FHIT: variants seen among roughly 807,000 people sequenced by gnomAD.
FHIT encodes fragile histidine triad diadenosine triphosphatase.
A neutral mutation model predicts 17.9 loss-of-function variants in FHIT; 19 were observed. The ratio of observed to expected loss-of-function variants is 1.06; its 90% confidence interval spans 0.74 to 1.56. The LOEUF (loss-of-function observed/expected upper bound fraction) is 1.56, where lower values mean the gene tolerates loss of function less well. Among genes scored for constraint, FHIT ranks in the 40% most tolerant of loss-of-function variants. The probability of loss-of-function intolerance (pLI) is 0.00; values close to 1 mark genes in which losing one functional copy is unlikely to be tolerated. For synonymous variants in FHIT, 81 were observed against 69.7 expected, an observed-to-expected ratio of 1.16 and a Z score of -0.81; for missense variants, 248 against 189.2, an observed-to-expected ratio of 1.31 and a Z score of -1.82.
intron 2 of FHIT, among the ~76,000 whole-genome samples, chr3:61,120,406 T>A (rs2036422587): frequency 6.6e-6 from 1 of 152,236 alleles, no homozygotes; most frequent in African/African-American, 2.4e-5. Flanking sequence ...TATGCCAAGC[T>A]TTTCAATGAA....
At chr3:61,149,546 A>T (rs1259310725) in intron 2 of FHIT, among the ~76,000 whole-genome samples, 1 of 152,084 alleles carries the variant, frequency 6.6e-6, no homozygotes, top group African/African-American at 2.4e-5. Context: ...CCTATTCTAA[A>T]ATGATTTCCC....
intron 8 of FHIT, among the ~76,000 whole-genome samples, chr3:59,820,099 G>A (rs1700736906): frequency 1.3e-5 from 2 of 152,150 alleles, no homozygotes; most frequent in South Asian, 4.1e-4. Context: ...AATTACCCAG[G>A]CTAAGGTATT....
At chr3:60,293,831 A>G (rs2106672701) in intron 5 of FHIT, among the ~76,000 whole-genome samples, 1 of 152,290 alleles carries the variant, frequency 6.6e-6, no homozygotes, top group South Asian at 2.1e-4. Flanking sequence ...ATACCAGTCA[A>G]GTTTTACATG....
At chr3:60,858,667 G>A (rs181837229) in intron 3 of FHIT, among the ~76,000 whole-genome samples, 137 of 152,170 alleles carry the variant, frequency 9.0e-4, no homozygotes, top group Non-Finnish European at 1.6e-3. Context: ...TATCACATAT[G>A]ACACAAGGCT....
At chr3:61,014,999 A>G (rs1421905000) in intron 3 of FHIT, among the ~76,000 whole-genome samples, 1 of 151,514 alleles carries the variant, frequency 6.6e-6, no homozygotes, top group Admixed American at 6.6e-5. Context: ...TATGCGTAAA[A>G]AGGAGCTACA....
intron 4 of FHIT, among the ~76,000 whole-genome samples, chr3:60,693,859 A>G (rs1306121337): frequency 6.6e-6 from 1 of 152,170 alleles, no homozygotes; most frequent in African/African-American, 2.4e-5. Flanking sequence ...ATTGGACACA[A>G]TTGTTCTGGT....
chr3:60,677,614 G>A (rs533554469), intron 4 of FHIT, among the ~76,000 whole-genome samples: 2 of 132,874 alleles, frequency 1.5e-5, no homozygotes, highest in Non-Finnish European at 3.2e-5. Flanking sequence ...GTATATATGT[G>A]TATACATATG....
intron 4 of FHIT, among the ~76,000 whole-genome samples, chr3:60,605,006 C>T (rs1260240363): frequency 2.6e-5 from 4 of 152,142 alleles, no homozygotes; most frequent in Non-Finnish European, 4.4e-5. Flanking sequence ...TGTGATTTCT[C>T]TCATGTCTAA....
intron 3 of FHIT, 132 bp downstream of exon 3, chr3:61,041,915 G>A (rs897438771): frequency 6.6e-6 from 1 of 152,178 alleles, no homozygotes. Flanking sequence ...ACTGAAGGCT[G>A]TTTACCAAAA....
rs1157819435 is a variant in FHIT at position 60,521,434 on chromosome 3, A to C, written c.103+15426T>G. On this transcript the variant is annotated intron_variant, in intron 5 of 9. Transcript: ENST00000492590. ...AGCTAATTTTTTGTATTTTTAGTAGAGACGGGGTTTCACCGTGTTAGCCAG... is the reference window on the plus strand; with the variant it reads ...AGCTAATTTTTTGTATTTTTAGTAGCGACGGGGTTTCACCGTGTTAGCCAG... Among the ~76,000 whole-genome samples, 11 of 152,154 alleles carry C rather than the reference A, an allele frequency of 7.2e-5. No individual in the cohort carries two copies. In the East Asian group the frequency reaches 1.8e-3, roughly 24 times the overall value.
chr3:61,181,948 C>T (rs1014463255), intron 2 of FHIT, among the ~76,000 whole-genome samples: 1 of 152,152 alleles, frequency 6.6e-6, no homozygotes, highest in African/African-American at 2.4e-5. Flanking sequence ...ACTGGACATA[C>T]CAAGTCTGGT....
rs573523537 is a variant in FHIT, at chr3:60,409,667, T to C, written c.103+127193A>G. The stretch of plus-strand genomic sequence containing the variant: ...TTTGAAAAGCTGAACATTTTCTTGC[T>C]GAAAGTAATACATCTAAAGTCATAC... On this transcript the variant is annotated intron_variant, in intron 5 of 9. Transcript: ENST00000492590. Among the ~76,000 whole-genome samples, 3 of 152,352 alleles carry C rather than the reference T, an allele frequency of 2.0e-5. No homozygotes were observed. The South Asian group carries it at 6.2e-4, about 32-fold the overall frequency.
intron 5 of FHIT, among the ~76,000 whole-genome samples, chr3:60,505,385 G>C (rs2034687325): frequency 6.6e-6 from 1 of 152,270 alleles, no homozygotes; most frequent in South Asian, 2.1e-4. Context: ...GGGCCATTAA[G>C]TCAGAATTAA....
At chr3:59,847,649 C>A (rs1035838783) in intron 8 of FHIT, among the ~76,000 whole-genome samples, 2 of 151,916 alleles carry the variant, frequency 1.3e-5, no homozygotes, top group African/African-American at 4.8e-5. Context: ...GCTCTATATG[C>A]CTTGTAATTT....
intron 8 of FHIT, among the ~76,000 whole-genome samples, chr3:59,822,384 T>C (rs1221029310): frequency 1.4e-4 from 21 of 152,172 alleles, no homozygotes; most frequent in Admixed American, 1.4e-3. Flanking sequence ...CTGTTTTCCA[T>C]AGTGGTTATA....
intron 5 of FHIT, among the ~76,000 whole-genome samples, chr3:60,017,993 T>C (rs755032668): frequency 3.3e-5 from 5 of 152,188 alleles, no homozygotes; most frequent in African/African-American, 7.2e-5. Flanking sequence ...TATCTTACTT[T>C]GTGTTTGTGT....
chr3:60,604,355 T>C (rs920265957), intron 4 of FHIT, among the ~76,000 whole-genome samples: 1 of 152,100 alleles, frequency 6.6e-6, no homozygotes. Flanking sequence ...GGAAATGGGA[T>C]TTCAACCATT....
At chr3:60,126,806 T>G (rs946839253) in intron 5 of FHIT, among the ~76,000 whole-genome samples, 1 of 152,178 alleles carries the variant, frequency 6.6e-6, no homozygotes, top group African/African-American at 2.4e-5. Context: ...ATCTGGGGAT[T>G]TTCAGAAAGC....
intron 5 of FHIT, among the ~76,000 whole-genome samples, chr3:60,309,305 G>A (rs1456942227): frequency 6.6e-6 from 1 of 151,944 alleles, no homozygotes; most frequent in Admixed American, 6.6e-5. Flanking sequence ...GGTGGGGATG[G>A]TTAGAGGCTC....
Sources: allele counts gnomAD v4.1 joint callset (sites outside exome capture counted in the v4.1 genomes callset), GRCh38; gene constraint gnomAD v4.1.1; transcripts MANE v1.5; gene names NCBI Gene and HGNC (gene_info 2026-07-23, HGNC 2026-07-21).